The following SRBD1 variants were observed in gnomAD, a reference collection of about 807,000 sequenced individuals.
SRBD1 encodes the protein S1 RNA-binding domain-containing protein 1.
Under a neutral mutation model 115.3 loss-of-function variants are expected in SRBD1, and 88 were observed. The ratio of observed to expected loss-of-function variants is 0.76; its 90% confidence interval spans 0.64 to 0.91. SRBD1 has a LOEUF of 0.91. Ranked by LOEUF, SRBD1 falls within the 40% of genes least tolerant of loss-of-function variation. The pLI, the probability that SRBD1 is intolerant of heterozygous loss-of-function variation, is 0.00. For synonymous variants in SRBD1, 509 were observed against 407.7 expected (o/e 1.25, Z -2.99); for missense variants, 1,385 against 1,177.4 (o/e 1.18, Z -2.58).
intron 16 of SRBD1, among the ~76,000 whole-genome samples, chr2:45,439,987 T>G (rs1199197555): frequency 1.3e-5 from 2 of 152,156 alleles, no homozygotes. Context: ...CCTCCCCAGA[T>G]GTCTCACCTC....
chr2:45,411,919 T>C (rs1667614582), intron 19 of SRBD1, among the ~76,000 whole-genome samples: 1 of 152,042 alleles, frequency 6.6e-6, no homozygotes, highest in African/African-American at 2.4e-5. Flanking sequence ...GAAACCAGCC[T>C]GGACAATACA....
intron 16 of SRBD1, among the ~76,000 whole-genome samples, chr2:45,427,982 G>C (rs1668209239): frequency 6.6e-6 from 1 of 152,192 alleles, no homozygotes; most frequent in Non-Finnish European, 1.5e-5. Context: ...CTTGAACTCA[G>C]CTCTGGACCA....
chr2:45,478,184 G>C (rs771978887), intron 15 of SRBD1, among the ~76,000 whole-genome samples: 4 of 151,968 alleles, frequency 2.6e-5, no homozygotes, highest in Non-Finnish European at 5.9e-5. Context: ...TCTCATACAG[G>C]TTAGATGAAA....
intron 16 of SRBD1, among the ~76,000 whole-genome samples, chr2:45,472,196 C>G (rs150403572): frequency 6.6e-6 from 1 of 152,212 alleles, no homozygotes; most frequent in East Asian, 1.9e-4. Flanking sequence ...GCAATGCAGA[C>G]CACCTCTGAA....
rs932722710 is a variant in SRBD1 at position 45,539,181 on chromosome 2, C to T, written c.1874+7551G>A. ...TGGATTCATCTTTCACTGAAAACAACTAAAAGACCTATCTTCTTAAAGAGA... is the reference window on the plus strand; with the variant it reads ...TGGATTCATCTTTCACTGAAAACAATTAAAAGACCTATCTTCTTAAAGAGA... On this transcript the variant is annotated intron_variant, in intron 14 of 20. Transcript: ENST00000263736. Among the ~76,000 whole-genome samples the T allele has an allele frequency of 2.0e-5, 3 of 151,256 alleles. No individual in the cohort carries two copies. In the East Asian group the frequency reaches 5.8e-4, roughly 29 times the overall value.
chr2:45,430,170 C>A (rs935184795), intron 16 of SRBD1, among the ~76,000 whole-genome samples: 3 of 152,144 alleles, frequency 2.0e-5, no homozygotes, highest in African/African-American at 4.8e-5. Context: ...ACATTCCATG[C>A]TCATGGATAG....
chr2:45,474,415 T>C (rs760428589), intron 16 of SRBD1, among the ~76,000 whole-genome samples: 9 of 152,194 alleles, frequency 5.9e-5, no homozygotes, highest in African/African-American at 2.2e-4. Flanking sequence ...CCAGGTGTCA[T>C]GTACATGGCA....
intron 5 of SRBD1, among the ~76,000 whole-genome samples, chr2:45,584,475 C>G (rs1463688939): frequency 6.6e-6 from 1 of 152,138 alleles, no homozygotes; most frequent in East Asian, 1.9e-4. Flanking sequence ...ACTAAAAGAA[C>G]GTCAAGAGGT....
At chr2:45,467,076 A>G (rs572201453) in intron 16 of SRBD1, among the ~76,000 whole-genome samples, 83 of 152,356 alleles carry the variant, frequency 5.4e-4, no homozygotes, top group African/African-American at 1.9e-3. Context: ...CACAGACTAC[A>G]GGGTCCAATC....
At chr2:45,490,419 C>T (rs1024730982) in intron 14 of SRBD1, among the ~76,000 whole-genome samples, 1 of 152,122 alleles carries the variant, frequency 6.6e-6, no homozygotes, top group African/African-American at 2.4e-5. Context: ...AACACTACTA[C>T]AGGATAAGAA....
intron 15 of SRBD1, among the ~76,000 whole-genome samples, chr2:45,481,874 G>T (rs964269105): frequency 6.6e-6 from 1 of 152,068 alleles, no homozygotes; most frequent in Non-Finnish European, 1.5e-5. Flanking sequence ...ACCACATATT[G>T]TATGATTTCA....
rs113407932 is a variant in SRBD1, at chr2:45,547,389, A to G, written c.1766+133T>C. On this transcript the variant is annotated intron_variant, in intron 13 of 20. Coordinates refer to ENST00000263736, the MANE Select transcript of SRBD1 (RefSeq NM_018079.5). ...GCAGAGTTCTCCAGCAATTTGCCCCAGAACTGTTTTATATGGTTTATTGTC... is the reference window on the plus strand; with the variant it reads ...GCAGAGTTCTCCAGCAATTTGCCCCGGAACTGTTTTATATGGTTTATTGTC... 4.2e-3 allele frequency: 2,986 copies of G among 712,514 alleles called. 77 individuals carry two copies. In the African/African-American group the frequency reaches 0.047, roughly 11 times the overall value. The allele number at this position is 712,514 out of a possible 1,614,324, so 44.1% of individuals were successfully genotyped here.
Position 45,389,168 on chromosome 2 carries a change from TAAAGG to T in SRBD1, c.*137_*141del. On this transcript the variant is annotated 3_prime_UTR_variant, in exon 21 of 21. Coordinates refer to ENST00000263736, the MANE Select transcript of SRBD1 (RefSeq NM_018079.5). Reference sequence around the variant, plus strand: ...TTTTCTATTTATTCAGAAGAAAAAATAAAGGAAAGTGTTTGGAAAATATTTCTGAT... The same window carrying T: ...TTTTCTATTTATTCAGAAGAAAAAATAAAGTGTTTGGAAAATATTTCTGAT... 3 of 1,023,528 alleles carry T rather than the reference TAAAGG, an allele frequency of 2.9e-6. No individual in the cohort carries two copies. Among genetic ancestry groups the T allele is most frequent in the Non-Finnish European group, 4.2e-6 (3 of 719,486 alleles). 63.4% of individuals were successfully genotyped at this position (1,023,528 alleles called of 1,614,324 possible). A position where few individuals can be genotyped will look rare whatever the true frequency, so the allele number is the denominator to read the frequency against.
intron 14 of SRBD1, among the ~76,000 whole-genome samples, chr2:45,536,996 T>C (rs1671783006): frequency 6.6e-6 from 1 of 152,218 alleles, no homozygotes; most frequent in African/African-American, 2.4e-5. Flanking sequence ...GAGACAATAC[T>C]TAGCTTACTG....
At chr2:45,547,700 A>G in intron 12 of SRBD1, 88 bp from the exon 13 acceptor site, 5 of 1,077,482 alleles carry the variant, frequency 4.6e-6, no homozygotes, top group Non-Finnish European at 5.4e-6. Flanking sequence ...TGTAACAGAA[A>G]AGGAGACTGG....
chr2:45,484,802 T>A (rs1490722428), intron 15 of SRBD1, among the ~76,000 whole-genome samples: 1 of 152,238 alleles, frequency 6.6e-6, no homozygotes, highest in African/African-American at 2.4e-5. Context: ...CTCTACAGAT[T>A]TGTCTGTTCT....
At chr2:45,399,683 A>G (rs1209248837) in intron 19 of SRBD1, among the ~76,000 whole-genome samples, 2 of 152,144 alleles carry the variant, frequency 1.3e-5, no homozygotes, top group African/African-American at 4.8e-5. Flanking sequence ...ACCCAGGACC[A>G]CTGCCTGGGA....
rs150184962 is a variant in SRBD1, at chr2:45,405,433, A to G, written c.2513+7681T>C. Among the ~76,000 whole-genome samples, 3 of 152,320 alleles carry G rather than the reference A, an allele frequency of 2.0e-5. No individual in the cohort carries two copies. The East Asian group carries it at 5.8e-4, about 29-fold the overall frequency. ...GTACAAGTTTCAATTTTAGAAACAT[A>G]GAGTTTCCATTGCTAAGATATTCAT... On this transcript the variant is annotated intron_variant, in intron 19 of 20. Transcript: ENST00000263736.
At chr2:45,414,835 T>C (rs111206722) in intron 18 of SRBD1, among the ~76,000 whole-genome samples, 57 of 139,774 alleles carry the variant, frequency 4.1e-4, no homozygotes, top group African/African-American at 1.4e-3. Flanking sequence ...ATATAGTATG[T>C]ACACACACAT....
Sources: allele counts gnomAD v4.1 joint callset (sites outside exome capture counted in the v4.1 genomes callset), GRCh38; gene constraint gnomAD v4.1.1; transcripts MANE v1.5; gene names NCBI Gene and HGNC (gene_info 2026-07-23, HGNC 2026-07-21).